The following MICU3 variants were observed in gnomAD, a reference collection of about 807,000 sequenced individuals.
MICU3 encodes calcium uptake protein 3, mitochondrial.
MICU3 carries 62 observed loss-of-function variants against 66.5 expected under a neutral mutation model. The ratio of observed to expected loss-of-function variants is 0.93; its 90% CI spans 0.76 to 1.15. The LOEUF is 1.15. Ranked by LOEUF, MICU3 falls within the 50% of genes most tolerant of loss-of-function variation. The pLI is 0.00. For missense variants in MICU3, 779 were observed against 664.4 expected, an observed-to-expected ratio of 1.17 and a Z score of -1.90; for synonymous variants, 308 against 240.7, an observed-to-expected ratio of 1.28 and a Z score of -2.59.
intron 4 of MICU3, among the ~76,000 whole-genome samples, chr8:17,079,276 G>A (rs532202361): frequency 2.6e-5 from 4 of 152,004 alleles, no homozygotes; most frequent in African/African-American, 7.2e-5. Context: ...TGTGTCTAGC[G>A]TAACTGAGGA....
At chr8:17,093,108 T>C (rs1001473202) in intron 8 of MICU3, among the ~76,000 whole-genome samples, 2 of 152,068 alleles carry the variant, frequency 1.3e-5, no homozygotes, top group Non-Finnish European at 2.9e-5. Flanking sequence ...CACCTTTGTA[T>C]TCATGAAGAG....
chr8:17,103,146 T>C (rs984774911), intron 9 of MICU3, among the ~76,000 whole-genome samples: 7 of 151,928 alleles, frequency 4.6e-5, no homozygotes, highest in Non-Finnish European at 7.4e-5. Flanking sequence ...GTGGTCTTTG[T>C]TACTCCATTT....
rs185895886 is a variant in MICU3, at chr8:17,094,190, C to A, written c.888+3606C>A. On this transcript the variant is annotated intron_variant, in intron 8 of 14. Transcript: ENST00000318063. ...TTTCTGTCTCGTTTCTTGGACCCAA[C>A]GTCATGATTGCCAGTTTCATCTATG... is the stretch of plus-strand genomic sequence containing the variant. Among the ~76,000 whole-genome samples, 794 of 152,066 alleles carry A rather than the reference C, an allele frequency of 5.2e-3. 8 individuals carry two copies. The highest frequency in any genetic ancestry group is 0.018 in the African/African-American group (752 of 41,514).
intron 1 of MICU3, among the ~76,000 whole-genome samples, chr8:17,035,646 G>A (rs1366664216): frequency 6.6e-6 from 1 of 152,200 alleles, no homozygotes. Flanking sequence ...AAATCTTTAA[G>A]CAGCAAAGTG....
intron 1 of MICU3, among the ~76,000 whole-genome samples, chr8:17,027,955 T>G (rs1811315927): frequency 6.6e-6 from 1 of 151,756 alleles, no homozygotes; most frequent in Non-Finnish European, 1.5e-5. Flanking sequence ...GATTCAGAAA[T>G]GAAGGCCATG....
downstream of MICU3, among the ~76,000 whole-genome samples, chr8:17,127,068 C>G (rs1309909587): frequency 6.6e-6 from 1 of 152,044 alleles, no homozygotes; most frequent in Non-Finnish European, 1.5e-5. Flanking sequence ...AGATTTTAAA[C>G]TGAGGTAAAA....
At position 17,027,276 on chromosome 8, in the gene MICU3, C is replaced by A. The variant is rs758636723; in HGVS notation, c.-4C>A. 5.7e-6 allele frequency: 7 copies of A among 1,226,046 alleles called. No homozygotes were observed. The highest frequency in any genetic ancestry group is 7.4e-5 in the East Asian group (1 of 13,560). 75.9% of individuals were successfully genotyped at this position (1,226,046 alleles called of 1,614,324 possible). The stretch of plus-strand genomic sequence containing the variant: ...TCCCAGCTCTGGTGTGGGCGGCCTC[C>A]GCTATGGCTGCGCTGCGAAGGCTCT... On this transcript the variant is annotated 5_prime_UTR_variant, in exon 1 of 15. Transcript: ENST00000318063.
At chr8:17,081,401 A>G (rs578248546) in intron 4 of MICU3, among the ~76,000 whole-genome samples, 8 of 152,096 alleles carry the variant, frequency 5.3e-5, no homozygotes, top group African/African-American at 1.9e-4. Flanking sequence ...AGAGTCGTAC[A>G]TTAGAAACTA....
chr8:17,128,148 A>G, the MICU3 span, among the ~76,000 whole-genome samples: 1 of 151,932 alleles, frequency 6.6e-6, no homozygotes. Context: ...TTGAAACAGC[A>G]GTGAGGGAGA....
chr8:17,110,955 A>T (rs1802153628), intron 11 of MICU3, among the ~76,000 whole-genome samples: 1 of 152,166 alleles, frequency 6.6e-6, no homozygotes, highest in African/African-American at 2.4e-5. Flanking sequence ...TAATAATAAT[A>T]GTCCATTTTA....
chr8:17,059,360 T>A (rs1563309170), intron 1 of MICU3, among the ~76,000 whole-genome samples: 1 of 152,186 alleles, frequency 6.6e-6, no homozygotes, highest in Non-Finnish European at 1.5e-5. Context: ...CAATTCCTGA[T>A]AAAAGGTAGA....
chr8:17,072,766 T>C (rs1585342432), intron 3 of MICU3, among the ~76,000 whole-genome samples: 1 of 152,242 alleles, frequency 6.6e-6, no homozygotes, highest in Non-Finnish European at 1.5e-5. Context: ...GTGTGCAAAT[T>C]AAACCAATGA....
At chr8:17,053,991 A>C (rs190597568) in intron 1 of MICU3, among the ~76,000 whole-genome samples, 6 of 152,310 alleles carry the variant, frequency 3.9e-5, no homozygotes, top group African/African-American at 1.4e-4. Flanking sequence ...CACACTTATA[A>C]ATAAGGTAAG....
At chr8:17,131,581 C>G in the MICU3 span, 1 of 152,308 alleles carries the variant, frequency 6.6e-6, no homozygotes, top group Non-Finnish European at 1.5e-5. Context: ...GGAGCAGTGA[C>G]TTGGTTTGGT....
Position 17,027,453 on chromosome 8 carries a change from G to C in MICU3, c.174G>C (p.Trp58Cys). ...DEERAVAEAA[W>C]RRRRRWGELS... Reference sequence around the variant, plus strand: ...AGAGGGCTGTGGCGGAGGCGGCATGGAGGCGGCGGCGGCGCTGGGGGGAGC... The same window carrying C: ...AGAGGGCTGTGGCGGAGGCGGCATGCAGGCGGCGGCGGCGCTGGGGGGAGC... Residue 58 changes from tryptophan to cysteine, a missense_variant, in exon 1 of 15, where the codon TGG becomes TGC. By Grantham distance (215) the Trp-to-Cys change is radical. Transcript: ENST00000318063. 7.7e-7 allele frequency: 1 copy of C among 1,300,926 alleles called. No homozygotes were observed. Among genetic ancestry groups the C allele is most frequent in the Middle Eastern group, 2.9e-4 (1 of 3,486 alleles). The allele number at this position is 1,300,926 out of a possible 1,614,324, so 80.6% of individuals were successfully genotyped here. A position where few individuals can be genotyped will look rare whatever the true frequency, so the allele number is the denominator to read the frequency against.
At chr8:17,110,182 T>C (rs1410692630) in intron 11 of MICU3, among the ~76,000 whole-genome samples, 1 of 152,208 alleles carries the variant, frequency 6.6e-6, no homozygotes, top group African/African-American at 2.4e-5. Flanking sequence ...ATTTAGTCAA[T>C]ACTTTATTGT....
intron 1 of MICU3, among the ~76,000 whole-genome samples, chr8:17,030,574 A>T (rs1255876032): frequency 2.0e-5 from 3 of 152,216 alleles, no homozygotes; most frequent in African/African-American, 7.2e-5. Context: ...TCAGTATTTT[A>T]TACCTCTTTT....
At chr8:17,113,956 G>A (rs899701623) in intron 11 of MICU3, 137 bp from the exon 12 acceptor site, 20 of 523,900 alleles carry the variant, frequency 3.8e-5, no homozygotes, top group South Asian at 6.9e-5. Context: ...GGAGAACAAC[G>A]TCAAAATGTG....
the MICU3 span, among the ~76,000 whole-genome samples, chr8:17,133,899 T>C: frequency 6.6e-6 from 1 of 152,230 alleles, no homozygotes; most frequent in African/African-American, 2.4e-5. Flanking sequence ...ATCTGGCTGT[T>C]CTTGTAACTA....
Sources: gnomAD v4.1 joint callset for allele counts (sites outside exome capture counted in the v4.1 genomes callset) on GRCh38, gnomAD v4.1.1 for gene constraint, MANE v1.5 for transcripts, NCBI Gene and HGNC (gene_info 2026-07-23, HGNC 2026-07-21) for gene names.